The following ROR1 variants were observed in gnomAD, a reference collection of about 807,000 sequenced individuals.
ROR1 encodes ROR family WNT receptor 1, also known as inactive tyrosine-protein kinase transmembrane receptor ROR1.
ROR1 carries 19 observed loss-of-function variants against 78.8 expected under a neutral mutation model. That is an observed-to-expected ratio of 0.24 (90% CI 0.17 to 0.35). The LOEUF (loss-of-function observed/expected upper bound fraction) is 0.35. Among genes scored for constraint, ROR1 ranks in the 10% least tolerant of loss-of-function variants. The probability of loss-of-function intolerance (pLI) is 1.00; values close to 1 mark genes in which losing one functional copy is unlikely to be tolerated. For missense variants in ROR1, 917 were observed against 1,177.8 expected, an observed-to-expected ratio of 0.78 and a Z score of 3.24; for synonymous variants, 386 against 433.6, an observed-to-expected ratio of 0.89 and a Z score of 1.36.
intron 8 of ROR1, among the ~76,000 whole-genome samples, chr1:64,177,203 C>A (rs1650405239): frequency 2.0e-5 from 3 of 152,220 alleles, no homozygotes; most frequent in Admixed American, 1.3e-4. Context: ...AGCAAAAAAC[C>A]ATTTTGTGGC....
intron 1 of ROR1, among the ~76,000 whole-genome samples, chr1:63,951,757 C>A (rs1051249359): frequency 2.6e-5 from 4 of 152,156 alleles, no homozygotes; most frequent in African/African-American, 4.8e-5. Flanking sequence ...CCTACCCACA[C>A]CTAGTTATAG....
intron 1 of ROR1, among the ~76,000 whole-genome samples, chr1:63,967,236 G>C (rs1345923243): frequency 6.6e-6 from 1 of 152,080 alleles, no homozygotes; most frequent in Non-Finnish European, 1.5e-5. Context: ...CCAATTGTGG[G>C]AATAAGTATA....
Position 63,811,889 on chromosome 1 carries a change from A to G in ROR1, c.91+37381A>G, listed in dbSNP as rs537504492. 7.3e-5 allele frequency among the ~76,000 whole-genome samples: 11 copies of G among 151,230 alleles called. No homozygotes were observed. The East Asian group carries it at 1.8e-3, about 24-fold the overall frequency. On this transcript the variant is annotated intron_variant, in intron 1 of 8. Coordinates refer to ENST00000371079, the MANE Select transcript of ROR1 (RefSeq NM_005012.4). ...GAAGAGCTGCCTCACTTTGGGCTCT[A>G]TGTCCTTAGGTCCAGGTTGGGATCA...
At position 63,884,027 on chromosome 1, in the gene ROR1, A is replaced by C. The variant is rs1645340662; in HGVS notation, c.91+109519A>C. On this transcript the variant is annotated intron_variant, in intron 1 of 8. Coordinates refer to ENST00000371079, the MANE Select transcript of ROR1 (RefSeq NM_005012.4). ...TGACTGGGTAATGATAGTAGGGGGA[A>C]AAGCAGTGAAAGGAACATCACAGGT... Among the ~76,000 whole-genome samples, 3 of 152,192 alleles carry C rather than the reference A, an allele frequency of 2.0e-5. No individual in the cohort carries two copies. The South Asian group carries it at 6.2e-4, about 32-fold the overall frequency.
At chr1:64,121,889 T>C (rs1303872644) in intron 4 of ROR1, among the ~76,000 whole-genome samples, 1 of 152,184 alleles carries the variant, frequency 6.6e-6, no homozygotes, top group Non-Finnish European at 1.5e-5. Context: ...CCTCACCAGG[T>C]AGTAGACCTT....
intron 1 of ROR1, among the ~76,000 whole-genome samples, chr1:63,878,771 C>T (rs904740679): frequency 2.6e-5 from 4 of 152,106 alleles, no homozygotes; most frequent in African/African-American, 9.7e-5. Context: ...TTTATAAGTA[C>T]TGTGAGGCCT....
Position 64,105,067 on chromosome 1 carries a change from C to T in ROR1, c.483-32302C>T, listed in dbSNP as rs144659436. On this transcript the variant is annotated intron_variant, in intron 4 of 8. Transcript: ENST00000371079. ...CTTCCACAATGGTTGAACTAATTTA[C>T]GTTCCCATTAACAGTATAAAAGTGT... is the stretch of plus-strand genomic sequence containing the variant. 9.8e-5 allele frequency among the ~76,000 whole-genome samples: 15 copies of T among 152,318 alleles called. No individual in the cohort carries two copies. The East Asian group carries it at 1.7e-3, about 18-fold the overall frequency.
At chr1:63,950,293 G>A (rs866262528) in intron 1 of ROR1, among the ~76,000 whole-genome samples, 3 of 152,276 alleles carry the variant, frequency 2.0e-5, no homozygotes, top group South Asian at 2.1e-4. Context: ...TGTTTTTAAC[G>A]GTTATTTCTT....
intron 4 of ROR1, among the ~76,000 whole-genome samples, chr1:64,054,626 A>C (rs192282409): frequency 1.3e-5 from 2 of 152,358 alleles, no homozygotes; most frequent in Admixed American, 1.3e-4. Context: ...ATTATTGTAG[A>C]ATATATTACA....
chr1:63,960,496 T>A (rs1332594656), intron 1 of ROR1, among the ~76,000 whole-genome samples: 1 of 152,174 alleles, frequency 6.6e-6, no homozygotes, highest in Non-Finnish European at 1.5e-5. Flanking sequence ...TATTTTTGAA[T>A]AGGAACAGGT....
chr1:63,914,167 G>A (rs1190457741), intron 1 of ROR1, among the ~76,000 whole-genome samples: 1 of 152,214 alleles, frequency 6.6e-6, no homozygotes, highest in Non-Finnish European at 1.5e-5. Flanking sequence ...AGCACTGGCT[G>A]AATAACCAGA....
chr1:64,147,641 T>C (rs1649510689), intron 7 of ROR1, among the ~76,000 whole-genome samples: 1 of 152,192 alleles, frequency 6.6e-6, no homozygotes, highest in African/African-American at 2.4e-5. Context: ...CTTTGGGGCA[T>C]TTGATTTTTT....
chr1:63,917,290 A>G (rs1316473876), intron 1 of ROR1, among the ~76,000 whole-genome samples: 3 of 152,188 alleles, frequency 2.0e-5, no homozygotes, highest in African/African-American at 7.2e-5. Context: ...CTCAAAGGGT[A>G]TTTGTTTAAG....
intron 1 of ROR1, among the ~76,000 whole-genome samples, chr1:63,890,221 C>T (rs1474877878): frequency 6.6e-6 from 1 of 151,982 alleles, no homozygotes; most frequent in Non-Finnish European, 1.5e-5. Context: ...ACACATACTT[C>T]TGAAGCTCCT....
At chr1:64,003,600 G>T (rs950821311) in intron 1 of ROR1, among the ~76,000 whole-genome samples, 3 of 152,126 alleles carry the variant, frequency 2.0e-5, no homozygotes, top group African/African-American at 7.2e-5. Context: ...TAAGTCAGCC[G>T]AGTCCCTAGT....
At chr1:63,982,921 T>C (rs1273684130) in intron 1 of ROR1, among the ~76,000 whole-genome samples, 1 of 151,822 alleles carries the variant, frequency 6.6e-6, no homozygotes, top group Non-Finnish European at 1.5e-5. Context: ...AAAATGGGAG[T>C]AGTAATAGCA....
At chr1:64,118,911 G>T (rs960474661) in intron 4 of ROR1, among the ~76,000 whole-genome samples, 7 of 152,156 alleles carry the variant, frequency 4.6e-5, no homozygotes, top group Non-Finnish European at 1.0e-4. Flanking sequence ...TAGGTGACAC[G>T]TGAAAGTCCA....
chr1:63,842,801 A>G (rs1180130698), intron 1 of ROR1, among the ~76,000 whole-genome samples: 2 of 152,004 alleles, frequency 1.3e-5, no homozygotes, highest in East Asian at 3.9e-4. Flanking sequence ...CATTCCATTT[A>G]TACACAGAAC....
intron 1 of ROR1, among the ~76,000 whole-genome samples, chr1:63,901,926 T>C (rs1645488179): frequency 6.6e-6 from 1 of 151,930 alleles, no homozygotes; most frequent in African/African-American, 2.4e-5. Flanking sequence ...CTAAGACATA[T>C]GGATAAAGAG....
Sources: gnomAD v4.1 joint callset for allele counts (sites outside exome capture counted in the v4.1 genomes callset) on GRCh38, gnomAD v4.1.1 for gene constraint, MANE v1.5 for transcripts, NCBI Gene and HGNC (gene_info 2026-07-23, HGNC 2026-07-21) for gene names.